Variants in CTSD observed in about 807,000 individuals in gnomAD.
CTSD encodes ceroid-lipofuscinosis, neuronal 10.
In CTSD, 28 loss-of-function variants were observed where a neutral mutation model predicts 43.6. The observed-to-expected ratio is 0.64, with a 90% CI of 0.48 to 0.88. The LOEUF (loss-of-function observed/expected upper bound fraction) is 0.88. Among genes scored for constraint, CTSD ranks in the 40% least tolerant of loss-of-function variants. The pLI is 0.00. For synonymous variants in CTSD, 270 were observed against 249.8 expected (o/e 1.08, Z -0.76); for missense variants, 485 against 555.2 (o/e 0.87, Z 1.27).
At position 1,753,230 on chromosome 11, in the gene CTSD, G is replaced by C; in HGVS notation, c.*273C>G. ...AGCTCGGCTGCCAAGCTTGGGTGGG[G>C]TCTTCCAATGCACGAAACAGATCTG... On this transcript the variant is annotated 3_prime_UTR_variant, in exon 9 of 9. Transcript: ENST00000236671. The C allele has an allele frequency of 1.9e-6, 1 of 525,640 alleles. No individual in the cohort carries two copies. The allele number at this position is 525,640 out of a possible 1,614,324, so 32.6% of individuals were successfully genotyped here.
intron 4 of CTSD, among the ~76,000 whole-genome samples, chr11:1,758,766 C>G (rs940539887): frequency 1.1e-4 from 17 of 152,156 alleles, no homozygotes; most frequent in African/African-American, 3.9e-4. Context: ...CCCTGTACCC[C>G]CTGGGTTTGA....
Position 1,754,069 on chromosome 11 carries a change from G to A in CTSD, c.897C>T (p.Ser299=), listed in dbSNP as rs911925676. The change falls in exon 7 of 9, where the codon TCC becomes TCT. Residue 299 remains serine (S), a synonymous_variant. Transcript: ENST00000236671. ...GCEAIVDTGT[S]LMVGPVDEVR... Reference sequence around the variant, plus strand: ...CCTCATCCACCGGGCCCACCATGAGGGAAGTGCCTGTGTCCACAATGGCCT... The same window carrying A: ...CCTCATCCACCGGGCCCACCATGAGAGAAGTGCCTGTGTCCACAATGGCCT... 4 of 1,611,670 alleles carry A rather than the reference G, an allele frequency of 2.5e-6. No homozygotes were observed. Among genetic ancestry groups the A allele is most frequent in the South Asian group, 1.1e-5 (1 of 91,040 alleles).
In CTSD at chr11:1,754,158, G is replaced by A. The variant is rs779000770; in HGVS notation, c.828-20C>T. On this transcript the variant is annotated intron_variant, in intron 6 of 8. Coordinates refer to ENST00000236671, the MANE Select transcript of CTSD (RefSeq NM_001909.5). Reference sequence around the variant, plus strand: ...TCCACCCTGCGGGGAGTCAGGGCGTGAAGCCCCTGCCGGGACTGGAGTGTG... The same window carrying A: ...TCCACCCTGCGGGGAGTCAGGGCGTAAAGCCCCTGCCGGGACTGGAGTGTG... The A allele has an allele frequency of 1.3e-5, 21 of 1,604,420 alleles. 1 individual carries two copies. In the East Asian group the frequency reaches 2.2e-4, roughly 17 times the overall value.
intron 5 of CTSD, among the ~76,000 whole-genome samples, chr11:1,755,807 T>C (rs72850955): frequency 0.071 from 10,801 of 152,202 alleles, 423 homozygotes; most frequent in Middle Eastern, 0.13. Flanking sequence ...CAACACCGAT[T>C]GGGGCCTCCG....
At chr11:1,755,123 A>C in intron 5 of CTSD, 95 bp from the exon 6 acceptor site, 1 of 1,447,750 alleles carries the variant, frequency 6.9e-7, no homozygotes, top group Non-Finnish European at 9.6e-7. Context: ...AATCAGGGAG[A>C]GCTTCCTGAA....
At chr11:1,763,720 G>A (rs1269263245) in intron 1 of CTSD, 72 bp downstream of exon 1, 1 of 1,389,474 alleles carries the variant, frequency 7.2e-7, no homozygotes. Context: ...GAGCGCGAAA[G>A]TCACCACAGG....
chr11:1,756,697 T>C (rs1845813819), intron 5 of CTSD, among the ~76,000 whole-genome samples: 1 of 147,510 alleles, frequency 6.8e-6, no homozygotes, highest in African/African-American at 2.5e-5. Context: ...CGACGTCCCC[T>C]TCCCAAGGTC....
In CTSD at chr11:1,759,789, C is replaced by T. The variant is rs1845853119; in HGVS notation, c.229-150G>A. Reference sequence around the variant, plus strand: ...AGCTGCCAACAGCCACCCACTCCCACCTGCTCAGCCTGCAGGGAAGATGGG... The same window carrying T: ...AGCTGCCAACAGCCACCCACTCCCATCTGCTCAGCCTGCAGGGAAGATGGG... On this transcript the variant is annotated intron_variant, in intron 2 of 8. Transcript: ENST00000236671. The T allele has an allele frequency of 4.9e-6, 4 of 811,890 alleles. No homozygotes were observed. The South Asian group carries it at 7.3e-5, about 15-fold the overall frequency. The allele number at this position is 811,890 out of a possible 1,614,324, so 50.3% of individuals were successfully genotyped here.
At position 1,761,484 on chromosome 11, in the gene CTSD, CG is replaced by C. The variant is rs745360332; in HGVS notation, c.69-17del. On this transcript the variant is annotated splice_polypyrimidine_tract_variant and intron_variant, in intron 1 of 8. Transcript: ENST00000236671. ...CAGCGGGATCCTGTCAACCACGGGT[CG>C]GGGCATATCAGGGAGGCCCTCCCGC... 5 of 1,613,636 alleles carry C rather than the reference CG, an allele frequency of 3.1e-6. No homozygotes were observed. The South Asian group carries it at 3.3e-5, about 11-fold the overall frequency.
Position 1,759,606 on chromosome 11 carries a change from G to T in CTSD, c.262C>A (p.Pro88Thr). ...AAGACGACTGTGAAGCACTGGGGGG[G>T]CGTCCCGATGCCAATCTCCCCGTAG... Reference protein sequence around the residue: ...QYYGEIGIGTPPQCFTVVFDT... With the variant: ...QYYGEIGIGTTPQCFTVVFDT... Residue 88 changes from proline to threonine, a missense_variant, in exon 3 of 9, where the codon CCC becomes ACC. By Grantham distance (38) the Pro-to-Thr change is conservative. Transcript: ENST00000236671. 2.5e-6 allele frequency: 4 copies of T among 1,613,482 alleles called. No individual in the cohort carries two copies. The highest frequency in any genetic ancestry group is 3.4e-6 in the Non-Finnish European group (4 of 1,179,960).
At chr11:1,753,954 C>G in intron 7 of CTSD, 40 bp downstream of exon 7, 1 of 1,609,810 alleles carries the variant, frequency 6.2e-7, no homozygotes, top group South Asian at 1.1e-5. Context: ...TGGGGCTCCC[C>G]CTGCCAGCCC....
At chr11:1,762,709 C>G (rs1027067195) in intron 1 of CTSD, among the ~76,000 whole-genome samples, 3 of 152,166 alleles carry the variant, frequency 2.0e-5, no homozygotes, top group Admixed American at 6.5e-5. Flanking sequence ...GCCCCAGGAT[C>G]GTTTCCCCTC....
At chr11:1,754,539 G>A (rs1268073800) in intron 6 of CTSD, among the ~76,000 whole-genome samples, 2 of 130,086 alleles carry the variant, frequency 1.5e-5, no homozygotes, top group Admixed American at 7.6e-5. Context: ...ATGGAGGGAT[G>A]GAGGGATGGA....
intron 4 of CTSD, among the ~76,000 whole-genome samples, 158 bp downstream of exon 4, chr11:1,758,811 T>C (rs1845839646): frequency 6.6e-6 from 1 of 152,028 alleles, no homozygotes; most frequent in Non-Finnish European, 1.5e-5. Flanking sequence ...ACCAGGCCCA[T>C]TCCCAGACCC....
chr11:1,754,386 G>GAGGGATGGAGGGGATGGA, intron 6 of CTSD: 1 of 566,694 alleles, frequency 1.8e-6, no homozygotes. Context: ...GAGGGGCATA[G>GAGGGATGGAGGGGATGGA]AGGGATGGAG....
intron 2 of CTSD, chr11:1,761,105 C>T (rs1845870286): frequency 3.2e-6 from 2 of 634,784 alleles, no homozygotes; most frequent in Non-Finnish European, 5.7e-6. Flanking sequence ...CTAGCAGGAC[C>T]AAGACCCTGC....
At chr11:1,757,947 A>C in intron 4 of CTSD, 5 of 304,786 alleles carry the variant, frequency 1.6e-5, no homozygotes, top group Non-Finnish European at 2.5e-5. Context: ...GAACCTGCCG[A>C]CCCCATCCCA....
rs60582924 is a variant in CTSD at position 1,757,717 on chromosome 11, C to A, written c.472-161G>T. On this transcript the variant is annotated intron_variant, in intron 4 of 8. Coordinates refer to ENST00000236671, the MANE Select transcript of CTSD (RefSeq NM_001909.5). ...GCTGGAAACCCTGAGCTGAACACCG[C>A]TGGGGATGGGGACACGGGGTATGGC... Among the ~76,000 whole-genome samples the A allele has an allele frequency of 0.044, 6,635 of 152,314 alleles. 493 individuals carry two copies. Among genetic ancestry groups the A allele is most frequent in the African/African-American group, 0.15 (6,243 of 41,568 alleles).
chr11:1,762,800 C>T (rs1845898091), intron 1 of CTSD, among the ~76,000 whole-genome samples: 1 of 152,178 alleles, frequency 6.6e-6, no homozygotes, highest in African/African-American at 2.4e-5. Flanking sequence ...TGTGGCTACT[C>T]CCCCACAACG....
Sources: gnomAD v4.1 joint callset for allele counts (sites outside exome capture counted in the v4.1 genomes callset) on GRCh38, gnomAD v4.1.1 for gene constraint, MANE v1.5 for transcripts, NCBI Gene and HGNC (gene_info 2026-07-23, HGNC 2026-07-21) for gene names.